CDHR4: variants seen among roughly 807,000 people sequenced by gnomAD.
CDHR4 encodes the protein cadherin-related family member 4.
A neutral mutation model predicts 88.4 loss-of-function variants in CDHR4; 89 were observed. The ratio of observed to expected loss-of-function variants is 1.01; its 90% CI spans 0.85 to 1.20. The LOEUF (loss-of-function observed/expected upper bound fraction) is 1.20. CDHR4 is among the 50% of genes most tolerant of loss of function. CDHR4 has a pLI of 0.00. For missense variants in CDHR4, 914 were observed against 1,007.2 expected (o/e 0.91, Z 1.25); for synonymous variants, 368 against 399.2 (o/e 0.92, Z 0.93).
chr3:49,793,205 G>C lies in CDHR4; in HGVS notation c.1730C>G (p.Pro577Arg). The C allele has an allele frequency of 6.4e-7, 1 of 1,551,684 alleles. No homozygotes were observed. The highest frequency in any genetic ancestry group is 8.7e-7 in the Non-Finnish European group (1 of 1,146,990). Residue 577 changes from proline to arginine, a missense_variant, in exon 13 of 19, where the codon CCT (proline) becomes CGT (arginine). Coordinates refer to ENST00000412678, the MANE Select transcript of CDHR4 (RefSeq NM_001007540.4). Reference protein sequence around the residue: ...VEVTKMSCQIPQEPQRLIYSY... With the variant: ...VEVTKMSCQIRQEPQRLIYSY... Reference sequence around the variant, plus strand: ...GTAGATCAGGCGCTGTGGCTCCTGAGGGATCTGGCATGACATCTTGGTCAC... The same window carrying C: ...GTAGATCAGGCGCTGTGGCTCCTGACGGATCTGGCATGACATCTTGGTCAC...
intron 17 of CDHR4, 68 bp from the exon 18 acceptor site, chr3:49,791,536 T>C: frequency 6.5e-7 from 1 of 1,528,630 alleles, no homozygotes; most frequent in South Asian, 1.2e-5. Context: ...GATGAAGGCC[T>C]GCCCCTAGGG....
intron 14 of CDHR4, 115 bp downstream of exon 14, chr3:49,792,739 A>C: frequency 6.9e-7 from 1 of 1,458,558 alleles, no homozygotes; most frequent in Non-Finnish European, 9.2e-7. Flanking sequence ...GGCTCTCCGC[A>C]CTCTGCGCTT....
At position 49,793,888 on chromosome 3, in the gene CDHR4, C is replaced by T. The variant is rs2081223708; in HGVS notation, c.1398G>A (p.Val466=). 9 of 1,551,736 alleles carry T rather than the reference C, an allele frequency of 5.8e-6. No individual in the cohort carries two copies. The highest frequency in any genetic ancestry group is 2.0e-5 in the Admixed American group (1 of 51,006). The change falls in exon 11 of 19, where the codon GTG becomes GTA. Residue 466 remains valine (V), a synonymous_variant. Coordinates refer to ENST00000412678, the MANE Select transcript of CDHR4 (RefSeq NM_001007540.4). ...CATGAGGGTAATCCATATCCGTGCC[C>T]ACCACGGAGCCCAGTAGAGTGTGGG... ...AAPHTLLGSV[V]GTDMDYPHDN...
At chr3:49,798,709 C>A (rs1221792613) in intron 4 of CDHR4, 117 bp downstream of exon 4, 10 of 924,712 alleles carry the variant, frequency 1.1e-5, no homozygotes, top group Admixed American at 2.4e-5. Context: ...AGAGGCTCAT[C>A]TATGCCTCTG....
chr3:49,791,676 C>G (rs554913182), intron 17 of CDHR4, 38 bp downstream of exon 17: 16 of 1,548,878 alleles, frequency 1.0e-5, no homozygotes, highest in South Asian at 6.0e-5. Flanking sequence ...TCTGAAGCAC[C>G]CTTGGTGTCC....
intron 16 of CDHR4, 34 bp downstream of exon 16, chr3:49,791,869 A>G: frequency 6.4e-7 from 1 of 1,551,604 alleles, no homozygotes; most frequent in East Asian, 2.4e-5. Flanking sequence ...AAGAGATGGG[A>G]TCCCAGGCAT....
At position 49,797,015 on chromosome 3, in the gene CDHR4, G is replaced by A. The variant is rs1480973414; in HGVS notation, c.513C>T (p.Ala171=). ...GTCCAGGGAAGTGTGGCAGGTCCTG[G>A]GCACTGATAATGCTCATCTGACAGA... is the stretch of plus-strand genomic sequence containing the variant. ...LHGAQMSIIS[A]QDLPHFPGPF... is the part of the protein sequence containing the mutation. The change falls in exon 5 of 19, where the codon GCC becomes GCT. Residue 171 remains alanine (A), a synonymous_variant. Transcript: ENST00000412678. 1.3e-6 allele frequency: 2 copies of A among 1,551,486 alleles called. No homozygotes were observed. The highest frequency in any genetic ancestry group is 2.7e-5 in the African/African-American group (2 of 73,038).
upstream of CDHR4, among the ~76,000 whole-genome samples, chr3:49,802,821 C>T (rs1290240043): frequency 6.6e-6 from 1 of 152,236 alleles, no homozygotes; most frequent in Non-Finnish European, 1.5e-5. Flanking sequence ...CTCTTGAGTC[C>T]TCAGACGGGC....
rs553040566 is a variant in CDHR4 at position 49,791,475 on chromosome 3, A to AG, written c.2284-8dup. 4.7e-4 allele frequency: 719 copies of AG among 1,545,334 alleles called. 2 individuals are homozygous for AG. In the South Asian group the frequency reaches 7.7e-3, roughly 17 times the overall value. On this transcript the variant is annotated splice_region_variant and splice_polypyrimidine_tract_variant and intron_variant, in intron 17 of 18. Transcript: ENST00000412678. The stretch of plus-strand genomic sequence containing the variant: ...GTGCTCTGCCATCAAAATGCTGCTG[A>AG]GGGAAAAAAAAAAAAGATGCAATGA...
rs2081181602 is a variant in CDHR4 at position 49,791,652 on chromosome 3, G to A, written c.2283+62C>T. On this transcript the variant is annotated intron_variant, in intron 17 of 18. Transcript: ENST00000412678. ...GGGCATGGGAAAAAAGGCTTGGAGG[G>A]GGCAGGGGAGTACTCTGAAGCACCC... 16 of 1,529,046 alleles carry A rather than the reference G, an allele frequency of 1.0e-5. No individual in the cohort carries two copies. The South Asian group carries it at 1.9e-4, about 18-fold the overall frequency. 94.7% of individuals were successfully genotyped at this position (1,529,046 alleles called of 1,614,324 possible).
In CDHR4 at chr3:49,792,358, C is replaced by A. The variant is rs1041637265; in HGVS notation, c.2138+110G>T. On this transcript the variant is annotated intron_variant, in intron 15 of 18. Transcript: ENST00000412678. ...GTAGCCCTCCTCAATATCAGTTCGTCACCCACCTACTTGGGCATTGTCATC... is the reference window on the plus strand; with the variant it reads ...GTAGCCCTCCTCAATATCAGTTCGTAACCCACCTACTTGGGCATTGTCATC... 37 of 1,364,464 alleles carry A rather than the reference C, an allele frequency of 2.7e-5. No homozygotes were observed. In the Middle Eastern group the frequency reaches 8.4e-4, roughly 31 times the overall value. The allele number at this position is 1,364,464 out of a possible 1,614,324, so 84.5% of individuals were successfully genotyped here.
In CDHR4 at chr3:49,794,669, T is replaced by G. The variant is rs1275579689; in HGVS notation, c.1218A>C (p.Gly406=). The change falls in exon 10 of 19, where the codon GGA becomes GGC. Residue 406 remains glycine (G), a synonymous_variant. Transcript: ENST00000412678. Reference sequence around the variant, plus strand: ...TGGAGGCTGCATGCTGGAAGCAGGCTCCAGGAGTGTCACAGTCCAGTGTGG... The same window carrying G: ...TGGAGGCTGCATGCTGGAAGCAGGCGCCAGGAGTGTCACAGTCCAGTGTGG... ...VNATLDCDTP[G]ACFQHAASIL... 1 of 1,551,350 alleles carries G rather than the reference T, an allele frequency of 6.4e-7. No homozygotes were observed. Among genetic ancestry groups the G allele is most frequent in the Non-Finnish European group, 8.7e-7 (1 of 1,146,868 alleles).
At chr3:49,800,606 G>A (rs544017915), upstream of CDHR4, among the ~76,000 whole-genome samples, 77 of 152,212 alleles carry the variant, frequency 5.1e-4, no homozygotes, top group Admixed American at 2.2e-3. Context: ...ACTGGTTACC[G>A]TTGGGAATAT....
At chr3:49,798,290 A>G (rs1234209663) in intron 4 of CDHR4, 3 of 153,708 alleles carry the variant, frequency 2.0e-5, no homozygotes, top group Admixed American at 6.5e-5. Flanking sequence ...CAGATCTTGA[A>G]AGAACTCAGC....
At position 49,794,321 on chromosome 3, in the gene CDHR4, C is replaced by T. The variant is rs931414502; in HGVS notation, c.1279+287G>A. ...GCTGAGGCAGGAGAATGGCGTGAAC[C>T]CGGGAGGCAGAGCTTGCAGTGAGCC... On this transcript the variant is annotated intron_variant, in intron 10 of 18. Coordinates refer to ENST00000412678, the MANE Select transcript of CDHR4 (RefSeq NM_001007540.4). 2.0e-5 allele frequency among the ~76,000 whole-genome samples: 3 copies of T among 152,042 alleles called. No individual in the cohort carries two copies. In the South Asian group the frequency reaches 6.2e-4, roughly 31 times the overall value.
Position 49,790,841 on chromosome 3 carries a change from G to C in CDHR4, c.2358C>G (p.Arg786=), listed in dbSNP as rs2081165454. Residue 786 remains arginine (R), a synonymous_variant, in exon 19 of 19, where the codon CGC becomes CGG. Coordinates refer to ENST00000412678, the MANE Select transcript of CDHR4 (RefSeq NM_001007540.4). ...AGACAGCTACTTGGCCTCAGAGCCA[G>C]CGCCGGGCTCCTGTGTGTGTGTTAA... ...YLFNTHTGAR[R]WL 1 of 1,551,490 alleles carries C rather than the reference G, an allele frequency of 6.4e-7. No homozygotes were observed. The highest frequency in any genetic ancestry group is 2.4e-5 in the East Asian group (1 of 40,916).
chr3:49,797,908 CTT>C lies in CDHR4; in HGVS notation c.496-878_496-877del, dbSNP rs34937740. ...TCAAGCCAGTTACTGTTTTTAAATACTTTTTTTTTTTTTTTTTTTGAGACAGA... is the reference window on the plus strand; with the variant it reads ...TCAAGCCAGTTACTGTTTTTAAATACTTTTTTTTTTTTTTTTTGAGACAGA... On this transcript the variant is annotated intron_variant, in intron 4 of 18. Coordinates refer to ENST00000412678, the MANE Select transcript of CDHR4 (RefSeq NM_001007540.4). Among the ~76,000 whole-genome samples the C allele has an allele frequency of 6.1e-3, 795 of 131,102 alleles. 5 individuals carry two copies. Among genetic ancestry groups the C allele is most frequent in the African/African-American group, 0.02 (702 of 34,282 alleles). The allele number at this position is 131,102 out of a possible 152,430, so 86.0% of individuals were successfully genotyped here.
chr3:49,800,441 C>G (rs1258132830), upstream of CDHR4, among the ~76,000 whole-genome samples: 1 of 151,772 alleles, frequency 6.6e-6, no homozygotes, highest in Non-Finnish European at 1.5e-5. Flanking sequence ...TTGCTTGAAC[C>G]CCAAGAGATC....
At chr3:49,790,934 CAGA>C (rs1559721996) in intron 18 of CDHR4, 47 bp from the exon 19 acceptor site, 1 of 1,453,952 alleles carries the variant, frequency 6.9e-7, no homozygotes, top group South Asian at 1.3e-5. Flanking sequence ...CTGCTGGCCC[CAGA>C]AGAACTGCCT....
Sources: allele counts gnomAD v4.1 joint callset (sites outside exome capture counted in the v4.1 genomes callset), GRCh38; gene constraint gnomAD v4.1.1; transcripts MANE v1.5; gene names NCBI Gene and HGNC (gene_info 2026-07-23, HGNC 2026-07-21).